Variants in BUD23 observed in about 807,000 individuals in gnomAD.
The protein encoded by BUD23 is BUD23 rRNA methyltransferase and ribosome maturation factor.
BUD23 carries 34 observed loss-of-function variants against 47.0 expected under a neutral mutation model. That is an observed-to-expected ratio of 0.72 (90% CI 0.55 to 0.96). The LOEUF is 0.96. BUD23 is among the 40% of genes least tolerant of loss of function. The pLI is 0.00. For synonymous variants in BUD23, 124 were observed against 132.0 expected (o/e 0.94, Z 0.41); for missense variants, 343 against 361.2 (o/e 0.95, Z 0.41).
At chr7:73,686,774 G>A in intron 3 of BUD23, 43 bp downstream of exon 3, 1 of 1,614,122 alleles carries the variant, frequency 6.2e-7, no homozygotes, top group Non-Finnish European at 8.5e-7. Flanking sequence ...AGGTGGTGAA[G>A]TGTCTTTGTA....
intron 2 of BUD23, 169 bp downstream of exon 2, chr7:73,683,973 C>G (rs1013761851): frequency 6.7e-7 from 1 of 1,499,324 alleles, no homozygotes; most frequent in Non-Finnish European, 8.8e-7. Flanking sequence ...TTGCCGACCT[C>G]TCTGGGCCTC....
At chr7:73,689,423 A>G (rs2116684126) in intron 5 of BUD23, among the ~76,000 whole-genome samples, 1 of 151,942 alleles carries the variant, frequency 6.6e-6, no homozygotes, top group East Asian at 1.9e-4. Flanking sequence ...GAAATGAAAC[A>G]GTTTCTGCGT....
intron 5 of BUD23, among the ~76,000 whole-genome samples, chr7:73,689,183 G>T (rs1798093132): frequency 6.6e-6 from 1 of 152,102 alleles, no homozygotes; most frequent in African/African-American, 2.4e-5. Context: ...CTGAGTAGCT[G>T]GGATTACAGG....
In BUD23 at chr7:73,683,660, G is replaced by A. The variant is rs1554612097; in HGVS notation, c.35G>A (p.Gly12Glu). The A allele has an allele frequency of 1.9e-6, 3 of 1,613,206 alleles. No individual in the cohort carries two copies. The highest frequency in any genetic ancestry group is 1.7e-5 in the Admixed American group (1 of 59,974). The change falls in exon 1 of 12, where the codon GGA becomes GAA. Residue 12 changes from glycine (G) to glutamate (E), a missense_variant. Physicochemically the swap from Gly to Glu is moderately conservative, Grantham distance 98. Coordinates refer to ENST00000265758, the MANE Select transcript of BUD23 (RefSeq NM_017528.5). ...ASRGRRPEHG[G>E]PPELFYDETE... The stretch of plus-strand genomic sequence containing the variant: ...CGCGGCCGGCGTCCGGAGCATGGCG[G>A]ACCCCCAGAGCTGGTAAGTCCCGGG...
chr7:73,686,500 AAG>A, intron 2 of BUD23, 134 bp from the exon 3 acceptor site: 1 of 783,602 alleles, frequency 1.3e-6, no homozygotes, highest in Middle Eastern at 2.9e-4. Context: ...GGGGTCAGAA[AAG>A]AGTACCTCGG....
In BUD23 at chr7:73,686,699, A is replaced by G. The variant is rs1301505953; in HGVS notation, c.150A>G (p.Pro50=). Residue 50 remains proline, a synonymous_variant, in exon 3 of 12, where the codon CCA becomes CCG. Transcript: ENST00000265758. ...GAGCATTGGAGCTTCTTTATCTGCC[A>G]GAGAATAAGCCCTGTTACCTGCTGG... ...AGRALELLYL[P]ENKPCYLLDI... is the part of the protein sequence containing the mutation. 1.2e-6 allele frequency: 2 copies of G among 1,614,068 alleles called. No individual in the cohort carries two copies. Among genetic ancestry groups the G allele is most frequent in the Non-Finnish European group, 8.5e-7 (1 of 1,180,036 alleles).
chr7:73,694,133 C>A, intron 10 of BUD23, 83 bp downstream of exon 10: 3 of 1,432,830 alleles, frequency 2.1e-6, no homozygotes, highest in Non-Finnish European at 2.9e-6. Flanking sequence ...TGCCCTCACC[C>A]AAGCCTCTCA....
In BUD23 at chr7:73,692,230, T is replaced by C. The variant is rs555062210; in HGVS notation, c.460-366T>C. ...TTTCCTCTTCTCCCTGCTGGAAGGC[T>C]CCTCCCTTATATGTTTAAATAGCCA... On this transcript the variant is annotated intron_variant, in intron 6 of 11. Coordinates refer to ENST00000265758, the MANE Select transcript of BUD23 (RefSeq NM_017528.5). Among the ~76,000 whole-genome samples the C allele has an allele frequency of 2.3e-3, 355 of 152,298 alleles. 1 individual carries two copies. Among genetic ancestry groups the C allele is most frequent in the Non-Finnish European group, 2.9e-3 (200 of 68,032 alleles).
chr7:73,696,669 C>T (rs925170813), intron 10 of BUD23: 1 of 152,244 alleles, frequency 6.6e-6, no homozygotes, highest in Non-Finnish European at 1.5e-5. Context: ...ACATTCAGGA[C>T]ACTTGTTTAT....
chr7:73,688,129 C>A (rs1367178530), intron 5 of BUD23, among the ~76,000 whole-genome samples: 1 of 152,110 alleles, frequency 6.6e-6, no homozygotes, highest in Non-Finnish European at 1.5e-5. Flanking sequence ...ATCTCCTGAC[C>A]TCATGATCCG....
At chr7:73,692,783 C>A in intron 7 of BUD23, 137 bp downstream of exon 7, 1 of 784,760 alleles carries the variant, frequency 1.3e-6, no homozygotes, top group Non-Finnish European at 2.0e-6. Flanking sequence ...CCCCTGATGG[C>A]ACATTTGATG....
At chr7:73,690,613 C>T (rs1798153110) in intron 5 of BUD23, among the ~76,000 whole-genome samples, 1 of 152,124 alleles carries the variant, frequency 6.6e-6, no homozygotes, top group Non-Finnish European at 1.5e-5. Flanking sequence ...AGTGGACCTG[C>T]ACTTTTTTTG....
At chr7:73,688,186 G>T (rs560432501) in intron 5 of BUD23, among the ~76,000 whole-genome samples, 1 of 152,014 alleles carries the variant, frequency 6.6e-6, no homozygotes, top group Non-Finnish European at 1.5e-5. Flanking sequence ...GTGAGCCACC[G>T]CGCCCAGCCT....
chr7:73,683,889 G>GT lies in BUD23; in HGVS notation c.86+86dup, dbSNP rs1289882234. ...GTTGCTGGCGTTGCCCGGAAAGGCC[G>GT]TAGAATTTGGGGGTGCGGGAAGGGA... On this transcript the variant is annotated intron_variant, in intron 2 of 11. Transcript: ENST00000265758. 7 of 1,612,242 alleles carry GT rather than the reference G, an allele frequency of 4.3e-6. No homozygotes were observed. In the African/African-American group the frequency reaches 9.4e-5, roughly 22 times the overall value.
chr7:73,683,860 C>A (rs554756734), intron 2 of BUD23, 56 bp downstream of exon 2: 2 of 1,613,786 alleles, frequency 1.2e-6, no homozygotes, highest in African/African-American at 2.7e-5. Flanking sequence ...GGCAAGTTGC[C>A]CCTGTTGCTG....
intron 2 of BUD23, among the ~76,000 whole-genome samples, chr7:73,685,089 C>T (rs1333645707): frequency 6.6e-6 from 1 of 152,068 alleles, no homozygotes; most frequent in African/African-American, 2.4e-5. Flanking sequence ...GACGGATCAC[C>T]TGAGGTCAGG....
intron 8 of BUD23, 60 bp from the exon 9 acceptor site, chr7:73,693,564 G>A: frequency 6.2e-7 from 1 of 1,610,440 alleles, no homozygotes; most frequent in African/African-American, 1.3e-5. Flanking sequence ...GGGAGCTGAG[G>A]GCTTGTCTCC....
rs1798174293 is a variant in BUD23 at position 73,691,007 on chromosome 7, G to A, written c.454G>A (p.Val152Ile). Residue 152 changes from valine (V) to isoleucine (I), a missense_variant, in exon 6 of 12, where the codon GTT becomes ATT. Transcript: ENST00000265758. ...LYCFFASLFS[V>I]LVRGSRAVLQ... ...CTGCTTTTTTGCTTCTCTTTTTTCT[G>A]TTCTCGTGAGTATAAGATCTTCTCC... 1.2e-6 allele frequency: 2 copies of A among 1,613,922 alleles called. No homozygotes were observed. The highest frequency in any genetic ancestry group is 4.5e-5 in the East Asian group (2 of 44,874).
rs1554612006 is a variant in BUD23, at chr7:73,683,611, T to G, written c.-15T>G. The G allele has an allele frequency of 6.2e-7, 1 of 1,604,102 alleles. No homozygotes were observed. Among genetic ancestry groups the G allele is most frequent in the Non-Finnish European group, 8.5e-7 (1 of 1,176,112 alleles). ...CGGCAGGCGCCAGTCGCAGGTGTGC[T>G]GCTGAGGCGTGAGAATGGCGTCCCG... is the stretch of plus-strand genomic sequence containing the variant. On this transcript the variant is annotated 5_prime_UTR_variant, in exon 1 of 12. Transcript: ENST00000265758.
Sources: allele counts gnomAD v4.1 joint callset (sites outside exome capture counted in the v4.1 genomes callset), GRCh38; gene constraint gnomAD v4.1.1; transcripts MANE v1.5; gene names NCBI Gene and HGNC (gene_info 2026-07-23, HGNC 2026-07-21).